TAF4: variants seen among roughly 807,000 people sequenced by gnomAD.
The protein encoded by TAF4 is transcription initiation factor TFIID subunit 4.
A neutral mutation model predicts 90.3 loss-of-function variants in TAF4; 9 were observed. The observed-to-expected ratio is 0.10, with a 90% confidence interval of 0.06 to 0.17. The LOEUF is 0.17. Among genes scored for constraint, TAF4 ranks in the 10% least tolerant of loss-of-function variants. TAF4 has a pLI of 1.00. For missense variants in TAF4, 1,351 were observed against 1,370.7 expected, an observed-to-expected ratio of 0.99 and a Z score of 0.23; for synonymous variants, 818 against 638.9, an observed-to-expected ratio of 1.28 and a Z score of -4.23.
chr20:61,987,977 G>A (rs547937504), intron 14 of TAF4, among the ~76,000 whole-genome samples: 1 of 152,214 alleles, frequency 6.6e-6, no homozygotes, highest in South Asian at 2.1e-4. Context: ...GTTTGAGAAG[G>A]CTGCATAATT....
At chr20:62,046,345 C>T (rs913751826) in intron 1 of TAF4, among the ~76,000 whole-genome samples, 1 of 152,230 alleles carries the variant, frequency 6.6e-6, no homozygotes, top group East Asian at 1.9e-4. Context: ...CGTTTCTATT[C>T]GCTTAAAACA....
intron 1 of TAF4, among the ~76,000 whole-genome samples, chr20:62,025,004 A>G (rs139585286): frequency 2.5e-3 from 383 of 152,312 alleles, no homozygotes; most frequent in Middle Eastern, 0.02. Flanking sequence ...AAGCGACACC[A>G]CTACACACTC....
intron 3 of TAF4, 199 bp downstream of exon 3, chr20:62,012,616 A>T: frequency 1.5e-6 from 1 of 680,422 alleles, no homozygotes; most frequent in Non-Finnish European, 2.2e-6. Context: ...AAAAGAAAAA[A>T]GAAAAAAAGA....
chr20:62,038,694 C>T (rs1568939339), intron 1 of TAF4, among the ~76,000 whole-genome samples: 1 of 152,152 alleles, frequency 6.6e-6, no homozygotes, highest in African/African-American at 2.4e-5. Flanking sequence ...TCAGAACACT[C>T]GATATTGCTA....
intron 5 of TAF4, chr20:62,007,851 TCTC>T (rs1343324886): frequency 2.1e-6 from 1 of 480,770 alleles, no homozygotes; most frequent in African/African-American, 2.0e-5. Flanking sequence ...GCGGACCACG[TCTC>T]CTCCTGGGAG....
chr20:61,988,745 G>A (rs915598606), intron 14 of TAF4, among the ~76,000 whole-genome samples: 2 of 152,024 alleles, frequency 1.3e-5, no homozygotes, highest in Non-Finnish European at 2.9e-5. Flanking sequence ...AACAGACGCC[G>A]GCGCCAATCT....
rs139763936 is a variant in TAF4 at position 62,011,877 on chromosome 20, G to T, written c.1641+938C>A. On this transcript the variant is annotated intron_variant, in intron 3 of 14. Coordinates refer to ENST00000252996, the MANE Select transcript of TAF4 (RefSeq NM_003185.4). ...CCACGGATGCTCACAGACACCAGGT[G>T]ACCAAGAAAAACCCCTGAACCATTT... 3.3e-4 allele frequency among the ~76,000 whole-genome samples: 50 copies of T among 152,298 alleles called. 1 individual carries two copies. In the East Asian group the frequency reaches 9.3e-3, roughly 28 times the overall value.
At chr20:62,026,193 C>G (rs1033363893) in intron 1 of TAF4, among the ~76,000 whole-genome samples, 6 of 152,186 alleles carry the variant, frequency 3.9e-5, no homozygotes, top group Admixed American at 3.3e-4. Context: ...CTTAAGAACA[C>G]TAGGAGCTGC....
At chr20:62,023,722 TG>T (rs1309903217) in intron 1 of TAF4, among the ~76,000 whole-genome samples, 1 of 114,880 alleles carries the variant, frequency 8.7e-6, no homozygotes, top group Non-Finnish European at 1.6e-5. Context: ...CACTCCAGCC[TG>T]GGCAACAGAG....
At chr20:62,030,077 T>C (rs1273930143) in intron 1 of TAF4, among the ~76,000 whole-genome samples, 2 of 151,842 alleles carry the variant, frequency 1.3e-5, no homozygotes, top group Non-Finnish European at 2.9e-5. Context: ...ATGCCAGCGC[T>C]GCGAGGCCAG....
intron 1 of TAF4, among the ~76,000 whole-genome samples, chr20:62,036,228 T>C (rs2055931979): frequency 6.6e-6 from 1 of 152,228 alleles, no homozygotes; most frequent in Non-Finnish European, 1.5e-5. Flanking sequence ...TTTCACCATG[T>C]TGGCCAGGCT....
At chr20:62,036,685 AAG>A (rs1367645645) in intron 1 of TAF4, among the ~76,000 whole-genome samples, 3 of 152,260 alleles carry the variant, frequency 2.0e-5, no homozygotes, top group Non-Finnish European at 4.4e-5. Context: ...CAGACTAAAA[AAG>A]AAAAACCATA....
At chr20:61,977,815 G>A (rs2055505677) in intron 14 of TAF4, among the ~76,000 whole-genome samples, 1 of 152,182 alleles carries the variant, frequency 6.6e-6, no homozygotes, top group Admixed American at 6.5e-5. Flanking sequence ...CAGGGTGAGG[G>A]CAGGGCTCTC....
chr20:62,060,022 G>C (rs538582459), intron 1 of TAF4, among the ~76,000 whole-genome samples: 1 of 152,246 alleles, frequency 6.6e-6, no homozygotes, highest in Non-Finnish European at 1.5e-5. Context: ...TTCGGGATGC[G>C]GACACGCCCA....
chr20:61,990,630 C>T (rs895495877), intron 14 of TAF4, among the ~76,000 whole-genome samples: 1 of 152,156 alleles, frequency 6.6e-6, no homozygotes, highest in African/African-American at 2.4e-5. Flanking sequence ...AGGGGAGGAC[C>T]AGGGAGGGCA....
chr20:61,978,104 C>CGCGAGACCAACCAAGGCCGGGG (rs2055508082), intron 14 of TAF4, among the ~76,000 whole-genome samples: 1 of 94,728 alleles, frequency 1.1e-5, no homozygotes, highest in African/African-American at 3.8e-5. Flanking sequence ...CAAGGGAGGG[C>CGCGAGACCAACCAAGGCCGGGG]GCGAGACCAA....
chr20:62,050,263 C>T (rs1422939284), intron 1 of TAF4, among the ~76,000 whole-genome samples: 2 of 152,154 alleles, frequency 1.3e-5, no homozygotes, highest in Non-Finnish European at 2.9e-5. Context: ...CTCTCATCAT[C>T]CTCCCCTCCA....
intron 1 of TAF4, among the ~76,000 whole-genome samples, chr20:62,031,208 T>C (rs746103800): frequency 8.5e-5 from 13 of 152,168 alleles, no homozygotes; most frequent in Non-Finnish European, 1.8e-4. Flanking sequence ...GACTCCCTCT[T>C]TCAGGGAGCC....
Position 62,065,446 on chromosome 20 carries a change from G to A in TAF4, c.365C>T (p.Pro122Leu), listed in dbSNP as rs1183936538. Residue 122 changes from proline (P) to leucine (L), a missense_variant, in exon 1 of 15, where the codon CCC becomes CTC. By Grantham distance (98) the Pro-to-Leu change is moderately conservative (BLOSUM62 -3). Coordinates refer to ENST00000252996, the MANE Select transcript of TAF4 (RefSeq NM_003185.4). ...GGGCGGCGGCCTCAGCTTCGCGGCG[G>A]GCGGCGCGGGCCCTGCGGGGACAAG... ...RPLVPAGPAP[P>L]AAKLRPPPEG... 7 of 977,214 alleles carry A rather than the reference G, an allele frequency of 7.2e-6. No individual in the cohort carries two copies. Among genetic ancestry groups the A allele is most frequent in the Non-Finnish European group, 8.5e-6 (7 of 825,914 alleles). The allele number at this position is 977,214 out of a possible 1,614,324, so 60.5% of individuals were successfully genotyped here. A position where few individuals can be genotyped will look rare whatever the true frequency, so the allele number is the denominator to read the frequency against.
Sources: allele counts gnomAD v4.1 joint callset (sites outside exome capture counted in the v4.1 genomes callset), GRCh38; gene constraint gnomAD v4.1.1; transcripts MANE v1.5; gene names NCBI Gene and HGNC (gene_info 2026-07-23, HGNC 2026-07-21).